The following ARL13B variants were observed in gnomAD, a reference collection of about 807,000 sequenced individuals.
The protein encoded by ARL13B is ARF like GTPase 13B.
ARL13B carries 36 observed loss-of-function variants against 56.1 expected under a neutral mutation model. The observed-to-expected ratio is 0.64, with a 90% confidence interval of 0.49 to 0.85. The LOEUF (loss-of-function observed/expected upper bound fraction) is 0.85, where lower values mean the gene tolerates loss of function less well. Ranked by LOEUF, ARL13B falls within the 40% of genes least tolerant of loss-of-function variation. The pLI is 0.00. For synonymous variants in ARL13B, 178 were observed against 171.1 expected, an observed-to-expected ratio of 1.04 and a Z score of -0.32; for missense variants, 519 against 507.1, an observed-to-expected ratio of 1.02 and a Z score of -0.23.
rs2077095005 is a variant in ARL13B at position 94,053,261 on chromosome 3, TAAAC to T, written c.*1_*4del. ...CAGTGATGCTCATGATGTGATCTCATAAACAAGACGTATGGAGGAGTTCTCTTAA... is the reference window on the plus strand; with the variant it reads ...CAGTGATGCTCATGATGTGATCTCATAAGACGTATGGAGGAGTTCTCTTAA... On this transcript the variant is annotated stop_retained_variant and 3_prime_UTR_variant, in exon 10 of 10. Coordinates refer to ENST00000394222, the MANE Select transcript of ARL13B (RefSeq NM_001174150.2). 8 of 1,613,140 alleles carry T rather than the reference TAAAC, an allele frequency of 5.0e-6. No homozygotes were observed. Among genetic ancestry groups the T allele is most frequent in the Non-Finnish European group, 5.9e-6 (7 of 1,179,474 alleles).
At chr3:94,003,954 G>GGA in intron 3 of ARL13B, 46 bp downstream of exon 3, 1 of 1,610,252 alleles carries the variant, frequency 6.2e-7, no homozygotes. Context: ...GATGGCATTG[G>GGA]CCACTAAAGA....
intron 3 of ARL13B, among the ~76,000 whole-genome samples, chr3:94,018,468 C>CTT (rs966008002): frequency 1.3e-5 from 2 of 151,974 alleles, no homozygotes; most frequent in African/African-American, 2.4e-5. Context: ...TCACTATTTT[C>CTT]TTTTTCCTGG....
chr3:94,020,451 G>A (rs903631979), intron 3 of ARL13B, among the ~76,000 whole-genome samples: 2 of 152,108 alleles, frequency 1.3e-5, no homozygotes, highest in Non-Finnish European at 2.9e-5. Flanking sequence ...CGACAGTATA[G>A]CATACTAGAG....
chr3:94,040,094 T>C, intron 6 of ARL13B, 106 bp downstream of exon 6: 4 of 908,742 alleles, frequency 4.4e-6, no homozygotes, highest in African/African-American at 1.7e-5. Context: ...ATGTGTTTCT[T>C]CTGAGAGATT....
intron 3 of ARL13B, 135 bp from the exon 4 acceptor site, chr3:94,035,196 C>T: frequency 3.4e-6 from 2 of 588,276 alleles, no homozygotes; most frequent in South Asian, 2.2e-5. Flanking sequence ...GAGATTGCAC[C>T]ACTGTACTCC....
chr3:94,037,211 G>C (rs1019227990), intron 5 of ARL13B, among the ~76,000 whole-genome samples: 3 of 152,134 alleles, frequency 2.0e-5, no homozygotes, highest in Admixed American at 2.0e-4. Flanking sequence ...GAATTATCAG[G>C]CTTAATATGT....
intron 3 of ARL13B, among the ~76,000 whole-genome samples, chr3:94,024,881 C>A (rs113515561): frequency 6.6e-6 from 1 of 152,134 alleles, no homozygotes; most frequent in Non-Finnish European, 1.5e-5. Context: ...AGCTAGTGCA[C>A]CCAGCCTCTT....
intron 2 of ARL13B, 106 bp from the exon 3 acceptor site, chr3:94,003,553 C>A: frequency 8.1e-7 from 1 of 1,241,076 alleles, no homozygotes; most frequent in African/African-American, 1.5e-5. Context: ...TTTATTGTGT[C>A]AGTGAATGCT....
intron 5 of ARL13B, among the ~76,000 whole-genome samples, chr3:94,037,022 G>A (rs1576029307): frequency 6.6e-6 from 1 of 152,074 alleles, no homozygotes; most frequent in African/African-American, 2.4e-5. Flanking sequence ...TTGCTTGTGG[G>A]TACCTTAGTG....
intron 1 of ARL13B, among the ~76,000 whole-genome samples, chr3:93,982,465 A>G (rs577482236): frequency 6.6e-6 from 1 of 152,338 alleles, no homozygotes; most frequent in Non-Finnish European, 1.5e-5. Flanking sequence ...AAGATTTATT[A>G]TGCAAAAAAG....
At chr3:93,983,000 T>C (rs1710291985) in intron 1 of ARL13B, among the ~76,000 whole-genome samples, 1 of 152,222 alleles carries the variant, frequency 6.6e-6, no homozygotes, top group Non-Finnish European at 1.5e-5. Context: ...ATTTGTTTTC[T>C]GTAGAATTTC....
intron 7 of ARL13B, among the ~76,000 whole-genome samples, chr3:94,044,233 A>C (rs1341140598): frequency 8.0e-6 from 1 of 125,312 alleles, no homozygotes; most frequent in Non-Finnish European, 1.7e-5. Context: ...CTGGCCGCCC[A>C]TCATCTGGGA....
At chr3:93,988,827 A>G in intron 1 of ARL13B, 1 of 382,264 alleles carries the variant, frequency 2.6e-6, no homozygotes, top group Non-Finnish European at 5.1e-6. Flanking sequence ...GCCTTTCCTG[A>G]TGCCTCTTTG....
intron 1 of ARL13B, among the ~76,000 whole-genome samples, chr3:93,981,351 T>G (rs1710204809): frequency 6.6e-6 from 1 of 152,026 alleles, no homozygotes; most frequent in South Asian, 2.1e-4. Context: ...GGGCCAAGGG[T>G]AAGATAAAGC....
At chr3:94,029,498 C>T (rs1166704055) in intron 3 of ARL13B, among the ~76,000 whole-genome samples, 1 of 151,136 alleles carries the variant, frequency 6.6e-6, no homozygotes, top group African/African-American at 2.4e-5. Context: ...CAGTTGCCTG[C>T]CACCACGCCC....
chr3:94,003,953 G>A (rs1414982748), intron 3 of ARL13B, 45 bp downstream of exon 3: 2 of 1,610,246 alleles, frequency 1.2e-6, no homozygotes, highest in Admixed American at 1.7e-5. Context: ...CGATGGCATT[G>A]GCCACTAAAG....
chr3:94,049,601 T>C (rs2107192670), intron 8 of ARL13B, 79 bp downstream of exon 8: 3 of 1,073,226 alleles, frequency 2.8e-6, no homozygotes, highest in East Asian at 4.9e-5. Context: ...AAAAGGAATC[T>C]TGTCATTTTT....
At chr3:94,013,039 T>A (rs931888613) in intron 3 of ARL13B, among the ~76,000 whole-genome samples, 1 of 152,140 alleles carries the variant, frequency 6.6e-6, no homozygotes, top group Non-Finnish European at 1.5e-5. Flanking sequence ...CTTAACCTCA[T>A]CTCATATCTC....
chr3:94,025,860 T>A (rs1166067520), intron 3 of ARL13B, among the ~76,000 whole-genome samples: 1 of 152,206 alleles, frequency 6.6e-6, no homozygotes, highest in African/African-American at 2.4e-5. Context: ...CCTAGTTAAC[T>A]GTTTCATCTA....
Sources: allele counts gnomAD v4.1 joint callset (sites outside exome capture counted in the v4.1 genomes callset), GRCh38; gene constraint gnomAD v4.1.1; transcripts MANE v1.5; gene names NCBI Gene and HGNC (gene_info 2026-07-23, HGNC 2026-07-21).